FAM117A: variants seen among roughly 807,000 people sequenced by gnomAD.
The protein encoded by FAM117A is family with sequence similarity 117 member A.
A neutral mutation model predicts 44.1 loss-of-function variants in FAM117A; 21 were observed. That is an observed-to-expected ratio of 0.48 (90% CI 0.34 to 0.69). The LOEUF (loss-of-function observed/expected upper bound fraction) is 0.69, where lower values mean the gene tolerates loss of function less well. Ranked by LOEUF, FAM117A falls within the 30% of genes least tolerant of loss-of-function variation. The probability of loss-of-function intolerance (pLI) is 0.01; values close to 1 mark genes in which losing one functional copy is unlikely to be tolerated. For missense variants in FAM117A, 498 were observed against 589.9 expected (o/e 0.84, Z 1.61); for synonymous variants, 220 against 238.3 (o/e 0.92, Z 0.71).
At chr17:49,746,470 A>G (rs1390055080) in intron 1 of FAM117A, among the ~76,000 whole-genome samples, 1 of 152,232 alleles carries the variant, frequency 6.6e-6, no homozygotes, top group Non-Finnish European at 1.5e-5. Flanking sequence ...AAAAGCATGG[A>G]TAAGGCTGAG....
At chr17:49,727,037 C>T (rs1456725737) in intron 2 of FAM117A, among the ~76,000 whole-genome samples, 1 of 152,024 alleles carries the variant, frequency 6.6e-6, no homozygotes, top group Admixed American at 6.6e-5. Flanking sequence ...ACAGGGGTCA[C>T]ACCATGCTGC....
chr17:49,731,257 C>A (rs1019234099), intron 2 of FAM117A, among the ~76,000 whole-genome samples: 1 of 152,216 alleles, frequency 6.6e-6, no homozygotes, highest in Non-Finnish European at 1.5e-5. Context: ...CAATGTCCCC[C>A]AGGGTGAAGG....
chr17:49,732,470 T>C, intron 2 of FAM117A, 81 bp downstream of exon 2: 1 of 1,329,420 alleles, frequency 7.5e-7, no homozygotes, highest in African/African-American at 1.5e-5. Context: ...TCGCAATGAC[T>C]TGAGGAAGAC....
intron 2 of FAM117A, among the ~76,000 whole-genome samples, chr17:49,731,535 A>G (rs2143731504): frequency 6.6e-6 from 1 of 152,334 alleles, no homozygotes; most frequent in African/African-American, 2.4e-5. Context: ...TGGGATTCTT[A>G]ATGAAAAGAC....
In FAM117A at chr17:49,714,334, C is replaced by CTTT. The variant is rs541335118; in HGVS notation, c.1061+1828_1061+1830dup. On this transcript the variant is annotated intron_variant, in intron 7 of 7. Coordinates refer to ENST00000240364, the MANE Select transcript of FAM117A (RefSeq NM_030802.4). ...AAATCACTGATGGATCACCACCACTCTTTTTTTTTTTTTTTTTGGAGACAG... is the reference window on the plus strand; with the variant it reads ...AAATCACTGATGGATCACCACCACTCTTTTTTTTTTTTTTTTTTTTGGAGACAG... Among the ~76,000 whole-genome samples, 129 of 139,232 alleles carry CTTT rather than the reference C, an allele frequency of 9.3e-4. 1 individual carries two copies. Among genetic ancestry groups the CTTT allele is most frequent in the Non-Finnish European group, 1.5e-3 (94 of 63,272 alleles). The allele number at this position is 139,232 out of a possible 152,430, so 91.3% of individuals were successfully genotyped here. A position where few individuals can be genotyped will look rare whatever the true frequency, so the allele number is the denominator to read the frequency against.
chr17:49,741,514 C>A (rs1251798189), intron 1 of FAM117A, among the ~76,000 whole-genome samples: 2 of 152,112 alleles, frequency 1.3e-5, no homozygotes. Context: ...TGCTTTTCTA[C>A]AACCTGTTTT....
chr17:49,783,214 T>C (rs2073794972), intron 1 of FAM117A, among the ~76,000 whole-genome samples: 2 of 152,198 alleles, frequency 1.3e-5, no homozygotes, highest in Non-Finnish European at 2.9e-5. Flanking sequence ...ATCTTGTAAC[T>C]ATAACTACAG....
Position 49,722,480 on chromosome 17 carries a change from A to G in FAM117A, c.462+19T>C. 1 of 1,605,936 alleles carries G rather than the reference A, an allele frequency of 6.2e-7. No homozygotes were observed. The highest frequency in any genetic ancestry group is 1.3e-5 in the African/African-American group (1 of 74,814). On this transcript the variant is annotated intron_variant, in intron 3 of 7. Coordinates refer to ENST00000240364, the MANE Select transcript of FAM117A (RefSeq NM_030802.4). ...GAAGAAGCCGCTACCCTAGGCAGGGAGTCAAAGTGGGTAGCTACCTCTTTT... is the reference window on the plus strand; with the variant it reads ...GAAGAAGCCGCTACCCTAGGCAGGGGGTCAAAGTGGGTAGCTACCTCTTTT...
chr17:49,776,291 T>C (rs1246437707), intron 1 of FAM117A, among the ~76,000 whole-genome samples: 3 of 152,154 alleles, frequency 2.0e-5, no homozygotes, highest in Non-Finnish European at 4.4e-5. Context: ...AAAAAATGTA[T>C]TGATGGTTAT....
intron 1 of FAM117A, among the ~76,000 whole-genome samples, chr17:49,770,137 G>A (rs1319505771): frequency 1.3e-5 from 2 of 151,880 alleles, no homozygotes; most frequent in Non-Finnish European, 2.9e-5. Context: ...AGGTGTGGTG[G>A]TACGTGCCTA....
chr17:49,764,511 G>A (rs944720824), upstream of FAM117A, among the ~76,000 whole-genome samples: 6 of 152,176 alleles, frequency 3.9e-5, no homozygotes, highest in Admixed American at 2.6e-4. Flanking sequence ...CTGGGTGTAG[G>A]TTGGAGTCAA....
At position 49,772,593 on chromosome 17, in the gene FAM117A, T is replaced by C. The variant is rs1419444768; in HGVS notation, c.-621+15904A>G. Among the ~76,000 whole-genome samples, 9 of 150,012 alleles carry C rather than the reference T, an allele frequency of 6.0e-5. No individual in the cohort carries two copies. The South Asian group carries it at 1.9e-3, about 32-fold the overall frequency. ...GGTGAAACCCCATCTCTACTAAAAA[T>C]AGAAAAAAATTAGCCGGGTGTGGTG... is the stretch of plus-strand genomic sequence containing the variant. On this transcript the variant is annotated intron_variant, in intron 1 of 7. Coordinates refer to the FAM117A transcript ENST00000513602.
At chr17:49,772,473 C>T (rs916100045) in intron 1 of FAM117A, among the ~76,000 whole-genome samples, 18 of 151,744 alleles carry the variant, frequency 1.2e-4, no homozygotes, top group Non-Finnish European at 1.8e-4. Flanking sequence ...AGGTGTTGGC[C>T]GGGCGCAGTG....
chr17:49,719,445 C>T (rs1463411705), intron 5 of FAM117A, among the ~76,000 whole-genome samples: 1 of 152,152 alleles, frequency 6.6e-6, no homozygotes, highest in Admixed American at 6.5e-5. Flanking sequence ...GCCGAGCACA[C>T]GGGGAACAGT....
intron 1 of FAM117A, among the ~76,000 whole-genome samples, chr17:49,755,371 C>T (rs766211552): frequency 7.9e-5 from 12 of 152,154 alleles, no homozygotes; most frequent in Non-Finnish European, 1.3e-4. Flanking sequence ...CATCTTCTTG[C>T]TACACAGAAC....
chr17:49,720,187 C>T, intron 4 of FAM117A, 139 bp downstream of exon 4: 1 of 727,850 alleles, frequency 1.4e-6, no homozygotes, highest in Non-Finnish European at 2.2e-6. Context: ...CACAGCAAGA[C>T]CAAGTTTGGA....
In FAM117A at chr17:49,732,637, T is replaced by C. The variant is rs1354750354; in HGVS notation, c.280A>G (p.Thr94Ala). The change falls in exon 2 of 8, where the codon ACC becomes GCC. Residue 94 changes from threonine (T) to alanine (A), a missense_variant. Physicochemically the swap from Thr to Ala is moderately conservative, Grantham distance 58 (BLOSUM62 0). Around this residue, in one of 3 missense-constraint regions of FAM117A, gnomAD observed 270 missense variants for 277.4 expected, o/e 0.97. Transcript: ENST00000240364. ...CCCAGAAGGTAGGAGCTGAGGATGG[T>C]GTCCAGGGAGAATGTACGCCGGACC... Reference protein sequence around the residue: ...LQVRRTFSLDTILSSYLLGQW... With the variant: ...LQVRRTFSLDAILSSYLLGQW... 2 of 1,614,084 alleles carry C rather than the reference T, an allele frequency of 1.2e-6. No individual in the cohort carries two copies. Among genetic ancestry groups the C allele is most frequent in the South Asian group, 1.1e-5 (1 of 91,070 alleles).
At chr17:49,742,453 T>C (rs1407168565) in intron 1 of FAM117A, among the ~76,000 whole-genome samples, 2 of 152,226 alleles carry the variant, frequency 1.3e-5, no homozygotes, top group African/African-American at 4.8e-5. Flanking sequence ...TAGACATTTG[T>C]TCAATTCTTA....
At chr17:49,711,883 G>A (rs914343907) in intron 7 of FAM117A, among the ~76,000 whole-genome samples, 2 of 152,194 alleles carry the variant, frequency 1.3e-5, no homozygotes, top group African/African-American at 4.8e-5. Flanking sequence ...GGTGGCTCAC[G>A]CCTATAATCC....
Sources: allele counts gnomAD v4.1 joint callset (sites outside exome capture counted in the v4.1 genomes callset), GRCh38; gene constraint gnomAD v4.1.1; regional missense constraint gnomAD v4.1.1; transcripts MANE v1.5; gene names NCBI Gene and HGNC (gene_info 2026-07-23, HGNC 2026-07-21).